Variants in COL5A1 observed in about 807,000 individuals in gnomAD.
COL5A1 encodes collagen alpha-1(V) chain.
COL5A1 carries 16 observed loss-of-function variants against 263.7 expected under a neutral mutation model. That is an observed-to-expected ratio of 0.06 (90% CI 0.04 to 0.09). The LOEUF is 0.09. COL5A1 is among the 10% of genes least tolerant of loss of function. The probability of loss-of-function intolerance (pLI) is 1.00; values close to 1 mark genes in which losing one functional copy is unlikely to be tolerated. For missense variants in COL5A1, 2,036 were observed against 2,540.5 expected (o/e 0.80, Z 4.27); for synonymous variants, 1,012 against 1,004.5 (o/e 1.01, Z -0.14).
At chr9:134,759,987 A>G (rs1836247902) in intron 18 of COL5A1, among the ~76,000 whole-genome samples, 1 of 82,608 alleles carries the variant, frequency 1.2e-5, no homozygotes, top group East Asian at 4.3e-4. Context: ...ACACATGCAC[A>G]CCCACACACC....
At chr9:134,764,007 G>A (rs1836562972) in intron 20 of COL5A1, among the ~76,000 whole-genome samples, 1 of 149,756 alleles carries the variant, frequency 6.7e-6, no homozygotes, top group Admixed American at 6.7e-5. Context: ...GGGCAGCGTG[G>A]TGGGGTCTGG....
At chr9:134,781,030 G>T (rs936129096) in intron 28 of COL5A1, among the ~76,000 whole-genome samples, 6 of 152,260 alleles carry the variant, frequency 3.9e-5, no homozygotes, top group Non-Finnish European at 2.9e-5. Context: ...GGGCTGGAGT[G>T]CGGGTGCTGG....
chr9:134,750,441 A>G (rs1835733980), intron 11 of COL5A1, 101 bp from the exon 12 acceptor site: 1 of 1,064,222 alleles, frequency 9.4e-7, no homozygotes, highest in South Asian at 1.3e-5. Flanking sequence ...TGTCCAGTGC[A>G]TTTCCCGGGT....
chr9:134,664,648 G>A (rs774652495), intron 1 of COL5A1, among the ~76,000 whole-genome samples: 2 of 152,210 alleles, frequency 1.3e-5, no homozygotes, highest in Non-Finnish European at 2.9e-5. Flanking sequence ...CTGCTCCCTC[G>A]GCCAGATGGA....
intron 1 of COL5A1, among the ~76,000 whole-genome samples, chr9:134,645,313 C>G (rs533555698): frequency 6.6e-6 from 1 of 152,246 alleles, no homozygotes; most frequent in East Asian, 1.9e-4. Flanking sequence ...CCTGCCTTCT[C>G]GCTGCCTGGC....
intron 1 of COL5A1, among the ~76,000 whole-genome samples, chr9:134,662,833 C>T (rs565928149): frequency 4.6e-5 from 7 of 152,320 alleles, no homozygotes; most frequent in African/African-American, 9.6e-5. Context: ...ACATCTTCCT[C>T]GGGCCGCAAG....
chr9:134,665,098 C>T (rs1832317914), intron 1 of COL5A1, among the ~76,000 whole-genome samples: 2 of 151,810 alleles, frequency 1.3e-5, no homozygotes, highest in African/African-American at 4.9e-5. Context: ...GCTCAGGAGG[C>T]TGAGGCAGGA....
At chr9:134,761,033 C>T (rs1024346355) in intron 18 of COL5A1, among the ~76,000 whole-genome samples, 3 of 149,574 alleles carry the variant, frequency 2.0e-5, no homozygotes, top group African/African-American at 7.4e-5. Context: ...CACACGTGCA[C>T]AGGCTCCACA....
At position 134,678,297 on chromosome 9, in the gene COL5A1, G is replaced by A. The variant is rs1382765881; in HGVS notation, c.110-12615G>A. ...ACCAGTGAAGGGGCCGACACTGTGG[G>A]CCAAGTTGATGAATAAGGGAAGTGT... On this transcript the variant is annotated intron_variant, in intron 1 of 65. Transcript: ENST00000371817. The surrounding 1 kb of genome is among the most constrained non-coding windows in gnomAD (Gnocchi z 5.5). Among the ~76,000 whole-genome samples, 15 of 152,220 alleles carry A rather than the reference G, an allele frequency of 9.9e-5. No homozygotes were observed. Among genetic ancestry groups the A allele is most frequent in the Admixed American group, 9.8e-4 (15 of 15,284 alleles).
chr9:134,747,961 G>GCATTCATA (rs1564428897), intron 11 of COL5A1, among the ~76,000 whole-genome samples: 1 of 112,090 alleles, frequency 8.9e-6, no homozygotes, highest in Non-Finnish European at 1.9e-5. Flanking sequence ...GCAGACACAT[G>GCATTCATA]CACACATGCA....
chr9:134,829,954 C>T (rs761575001), intron 63 of COL5A1, 22 bp from the exon 64 acceptor site: 3 of 1,609,744 alleles, frequency 1.9e-6, no homozygotes, highest in Non-Finnish European at 1.7e-6. Context: ...TCTCCCTCCC[C>T]ACCTCCCCGC....
Position 134,789,196 on chromosome 9 carries a change from G to C in COL5A1, c.2688G>C (p.Glu896Asp), listed in dbSNP as rs866155198. 6.2e-7 allele frequency: 1 copy of C among 1,613,002 alleles called. No individual in the cohort carries two copies. The highest frequency in any genetic ancestry group is 1.6e-4 in the Middle Eastern group (1 of 6,062). ...CTGGATTTCCTGGCGCCAATGGAGA[G>C]AAGGGCGGCAGGGTAAGGATAGCCT... ...GFPGFPGANG[E>D]KGGRGTPGKP... Residue 896 changes from glutamate (E) to aspartate (D), a missense_variant, in exon 32 of 66, where the codon GAG (glutamate) becomes GAC (aspartate). Physicochemically the swap from Glu to Asp is conservative, Grantham distance 45. Around this residue, in one of 3 missense-constraint regions of COL5A1, gnomAD observed 1,078 missense variants for 1,521.4 expected, o/e 0.71. Coordinates refer to ENST00000371817, the MANE Select transcript of COL5A1 (RefSeq NM_000093.5). This position sits in a 1 kb window ranked among gnomAD's most constrained non-coding sequence, Gnocchi z 4.8.
chr9:134,701,446 G>GTGGTCACCGTCTCTGT, intron 4 of COL5A1, 113 bp downstream of exon 4: 1 of 1,024,862 alleles, frequency 9.8e-7, no homozygotes, highest in Non-Finnish European at 1.5e-6. Context: ...GCGGTCCACT[G>GTGGTCACCGTCTCTGT]TGGTCACCGT....
chr9:134,745,450 G>T (rs1020207820), intron 11 of COL5A1, among the ~76,000 whole-genome samples: 2 of 152,114 alleles, frequency 1.3e-5, no homozygotes, highest in African/African-American at 4.8e-5. Context: ...TCTTTCTCAC[G>T]TGGGCCCCTT....
chr9:134,799,372 G>A (rs7860512), intron 37 of COL5A1, among the ~76,000 whole-genome samples: 2,585 of 152,338 alleles, frequency 0.017, 58 homozygotes, highest in African/African-American at 0.05. Context: ...ATCTGGGGAC[G>A]TGCAGTGTCG....
intron 1 of COL5A1, among the ~76,000 whole-genome samples, chr9:134,671,693 G>A (rs2132514785): frequency 6.6e-6 from 1 of 152,290 alleles, no homozygotes; most frequent in East Asian, 1.9e-4. Context: ...GACAGAGAGG[G>A]GCTTTCATTT....
At chr9:134,830,407 T>C in intron 64 of COL5A1, 1 of 595,246 alleles carries the variant, frequency 1.7e-6, no homozygotes, top group Non-Finnish European at 3.0e-6. Context: ...TCCGTTTCTG[T>C]GTAGGGCGCG....
In COL5A1 at chr9:134,667,032, G is replaced by A. The variant is rs369071576; in HGVS notation, c.110-23880G>A. On this transcript the variant is annotated intron_variant, in intron 1 of 65. Transcript: ENST00000371817. ...CCTGTGGGTCTGGCATTGATCTCTA[G>A]ACATTATGTTTCAGTCATCGGGCAT... 2.0e-4 allele frequency among the ~76,000 whole-genome samples: 31 copies of A among 152,256 alleles called. No homozygotes were observed. The East Asian group carries it at 6.0e-3, about 29-fold the overall frequency.
chr9:134,836,113 T>G (rs1438314878), intron 65 of COL5A1, among the ~76,000 whole-genome samples: 1 of 152,198 alleles, frequency 6.6e-6, no homozygotes, highest in Non-Finnish European at 1.5e-5. Flanking sequence ...GCCTCGCTCC[T>G]TTAGTGTTTG....
Sources: allele counts gnomAD v4.1 joint callset (sites outside exome capture counted in the v4.1 genomes callset), GRCh38; gene constraint gnomAD v4.1.1; regional missense constraint gnomAD v4.1.1; non-coding constraint Gnocchi (gnomAD v3.1); transcripts MANE v1.5; gene names NCBI Gene and HGNC (gene_info 2026-07-23, HGNC 2026-07-21).